AMOTL2: variants seen among roughly 807,000 people sequenced by gnomAD.
The protein encoded by AMOTL2 is angiomotin like 2.
AMOTL2 carries 33 observed loss-of-function variants against 78.4 expected under a neutral mutation model. The ratio of observed to expected loss-of-function variants is 0.42; its 90% CI spans 0.32 to 0.56. The LOEUF is 0.56. Among genes scored for constraint, AMOTL2 ranks in the 20% least tolerant of loss-of-function variants. The pLI is 0.12. For synonymous variants in AMOTL2, 422 were observed against 428.8 expected (o/e 0.98, Z 0.20); for missense variants, 983 against 1,030.1 (o/e 0.95, Z 0.63).
At chr3:134,369,515 C>G (rs748026031) in intron 2 of AMOTL2, among the ~76,000 whole-genome samples, 1 of 152,188 alleles carries the variant, frequency 6.6e-6, no homozygotes, top group African/African-American at 2.4e-5. Flanking sequence ...ACTCAGCTTC[C>G]GAAACTCTTC....
intron 7 of AMOTL2, among the ~76,000 whole-genome samples, chr3:134,359,824 G>C (rs2017268543): frequency 6.6e-6 from 1 of 152,198 alleles, no homozygotes; most frequent in Non-Finnish European, 1.5e-5. Flanking sequence ...CCTCATCCTG[G>C]AGGGCGGCAC....
chr3:134,367,600 T>C lies in AMOTL2; in HGVS notation c.938A>G (p.Gln313Arg). 1 of 1,613,538 alleles carries C rather than the reference T, an allele frequency of 6.2e-7. No individual in the cohort carries two copies. The highest frequency in any genetic ancestry group is 8.5e-7 in the Non-Finnish European group (1 of 1,180,050). ...SATSGSAHLA[Q>R]MEAVLRENAR... ...ATTCTCCCTCAGCACGGCCTCCATCTGGGCCAGGTGGGCACTGCCCGAGGT... is the reference window on the plus strand; with the variant it reads ...ATTCTCCCTCAGCACGGCCTCCATCCGGGCCAGGTGGGCACTGCCCGAGGT... The change falls in exon 3 of 10, where the codon CAG (glutamine) becomes CGG (arginine). Residue 313 changes from glutamine to arginine, a missense_variant. By Grantham distance (43) the Gln-to-Arg change is conservative (BLOSUM62 1). Coordinates refer to ENST00000249883, the MANE Select transcript of AMOTL2 (RefSeq NM_016201.4).
chr3:134,358,975 AG>A (rs897994280), intron 8 of AMOTL2, among the ~76,000 whole-genome samples: 2 of 152,250 alleles, frequency 1.3e-5, no homozygotes, highest in African/African-American at 4.8e-5. Flanking sequence ...TCTGCTTAGA[AG>A]GAAGAGTGGA....
chr3:134,361,395 G>T lies in AMOTL2; in HGVS notation c.1575+117C>A, dbSNP rs1198291622. 20 of 1,252,744 alleles carry T rather than the reference G, an allele frequency of 1.6e-5. No homozygotes were observed. The East Asian group carries it at 4.8e-4, about 30-fold the overall frequency. 77.6% of individuals were successfully genotyped at this position (1,252,744 alleles called of 1,614,324 possible). ...CGCCTTCCAACGGGCCTGCAGCCTA[G>T]ATCTAAGCAGGGGCTCCCGGGGCCT... is the stretch of plus-strand genomic sequence containing the variant. On this transcript the variant is annotated intron_variant, in intron 6 of 9. Transcript: ENST00000249883.
chr3:134,362,546 A>G (rs750160984), intron 5 of AMOTL2, among the ~76,000 whole-genome samples: 1 of 152,234 alleles, frequency 6.6e-6, no homozygotes, highest in Non-Finnish European at 1.5e-5. Flanking sequence ...ATTTCCTTCC[A>G]TGGTCTGAAA....
chr3:134,363,136 C>A (rs989178789), intron 5 of AMOTL2, among the ~76,000 whole-genome samples: 1 of 152,164 alleles, frequency 6.6e-6, no homozygotes, highest in Admixed American at 6.5e-5. Context: ...AGTTCTGGAA[C>A]AGAAGGGTGA....
At chr3:134,373,799 G>GT in intron 1 of AMOTL2, 1 of 985,472 alleles carries the variant, frequency 1.0e-6, no homozygotes, top group Non-Finnish European at 1.2e-6. Flanking sequence ...AGCCCTCTTT[G>GT]TTTTCCAAAT....
At chr3:134,365,475 T>C (rs2017563688) in intron 5 of AMOTL2, among the ~76,000 whole-genome samples, 1 of 152,192 alleles carries the variant, frequency 6.6e-6, no homozygotes, top group South Asian at 2.1e-4. Context: ...CCTGTCCTTC[T>C]CCTTCACCTC....
upstream of AMOTL2, chr3:134,375,043 T>A (rs2018037980): frequency 4.1e-6 from 6 of 1,448,240 alleles, no homozygotes; most frequent in Admixed American, 1.5e-4. Context: ...CAGAGCCTCT[T>A]TCCCCTAACC....
chr3:134,365,307 C>T (rs979950242), intron 5 of AMOTL2, among the ~76,000 whole-genome samples: 3 of 152,242 alleles, frequency 2.0e-5, no homozygotes, highest in Non-Finnish European at 4.4e-5. Flanking sequence ...GTTTAGAATG[C>T]ATCTGTTGGT....
At chr3:134,360,711 CA>C (rs1292112062) in intron 6 of AMOTL2, among the ~76,000 whole-genome samples, 8 of 152,140 alleles carry the variant, frequency 5.3e-5, no homozygotes, top group Admixed American at 4.6e-4. Flanking sequence ...CTGGGCAAAC[CA>C]GGGGGTTCAG....
At chr3:134,366,194 G>T in intron 4 of AMOTL2, 89 bp downstream of exon 4, 2 of 1,529,112 alleles carry the variant, frequency 1.3e-6, no homozygotes, top group Non-Finnish European at 8.9e-7. Flanking sequence ...TTTTGACAGA[G>T]AATAGAGATT....
chr3:134,369,947 G>T (rs2017779529), intron 2 of AMOTL2, among the ~76,000 whole-genome samples: 2 of 152,120 alleles, frequency 1.3e-5, no homozygotes. Context: ...TTCCATTCTG[G>T]CCCCTTACAA....
At chr3:134,375,284 G>A, upstream of AMOTL2, 2 of 1,521,278 alleles carry the variant, frequency 1.3e-6, no homozygotes, top group Non-Finnish European at 1.8e-6. Context: ...GCCACCGCTG[G>A]CTTTTCGCCC....
intron 9 of AMOTL2, among the ~76,000 whole-genome samples, chr3:134,358,309 G>C (rs2017164633): frequency 6.6e-6 from 1 of 152,188 alleles, no homozygotes; most frequent in Non-Finnish European, 1.5e-5. Flanking sequence ...CTGAATTCTG[G>C]ATCTGCCTCT....
upstream of AMOTL2, chr3:134,375,314 G>A (rs1329118224): frequency 1.5e-6 from 2 of 1,356,416 alleles, no homozygotes; most frequent in South Asian, 1.2e-5. Flanking sequence ...ATTCAGCCCT[G>A]CCAAGCACCC....
Position 134,356,304 on chromosome 3 carries a change from A to G in AMOTL2, c.*1401T>C, listed in dbSNP as rs975700506. 3.9e-5 allele frequency: 6 copies of G among 152,582 alleles called. No individual in the cohort carries two copies. Among genetic ancestry groups the G allele is most frequent in the Admixed American group, 2.6e-4 (4 of 15,286 alleles). The allele number at this position is 152,582 out of a possible 1,614,324, so 9.5% of individuals were successfully genotyped here. ...ATAAAACAACACATACCAAACCTAAAAACGATAAAGGAAGAAAACAAAGAA... is the reference window on the plus strand; with the variant it reads ...ATAAAACAACACATACCAAACCTAAGAACGATAAAGGAAGAAAACAAAGAA... On this transcript the variant is annotated 3_prime_UTR_variant, in exon 10 of 10. Transcript: ENST00000249883.
chr3:134,373,864 G>A, intron 1 of AMOTL2: 1 of 978,830 alleles, frequency 1.0e-6, no homozygotes, highest in Non-Finnish European at 1.2e-6. Context: ...TTCTAAGTGA[G>A]GGCCAATTCG....
rs751011407 is a variant in AMOTL2, at chr3:134,371,428, C to T, written c.6G>A (p.Arg2=). ...CTGTCCCCGAGGAGTCTTCCAGTGT[C>T]CTCATGCTTCTTTGGCTTGCACACA... is the stretch of plus-strand genomic sequence containing the variant. M[R]TLEDSSGTVL... is the part of the protein sequence containing the mutation. The change falls in exon 2 of 10, where the codon AGG becomes AGA. Residue 2 remains arginine (R), a synonymous_variant. Coordinates refer to ENST00000249883, the MANE Select transcript of AMOTL2 (RefSeq NM_016201.4). 6.6e-5 allele frequency: 106 copies of T among 1,602,088 alleles called. No homozygotes were observed. The highest frequency in any genetic ancestry group is 8.0e-5 in the Non-Finnish European group (94 of 1,179,886).
Sources: gnomAD v4.1 joint callset for allele counts (sites outside exome capture counted in the v4.1 genomes callset) on GRCh38, gnomAD v4.1.1 for gene constraint, MANE v1.5 for transcripts, NCBI Gene and HGNC (gene_info 2026-07-23, HGNC 2026-07-21) for gene names.